Variants in DPRX observed in about 807,000 individuals in gnomAD.
The protein encoded by DPRX is divergent paired-related homeobox.
Under a neutral mutation model 8.4 loss-of-function variants are expected in DPRX, and 11 were observed. That is an observed-to-expected ratio of 1.31 (90% confidence interval 0.82 to 2.17). The LOEUF is 2.17. DPRX is among the 30% of genes most tolerant of loss of function. DPRX has a pLI of 0.00. For missense variants in DPRX, 211 were observed against 236.7 expected (o/e 0.89, Z 0.71); for synonymous variants, 72 against 87.0 (o/e 0.83, Z 0.96).
exon 3 of DPRX, chr19:53,636,785 C>G (rs150237904): frequency 6.2e-7 from 1 of 1,614,030 alleles, no homozygotes; most frequent in Non-Finnish European, 8.5e-7. Context: ...CACGGGTCAT[C>G]GAGTCCCCTC....
intron 1 of DPRX, among the ~76,000 whole-genome samples, chr19:53,633,230 G>C (rs909446507): frequency 1.3e-4 from 20 of 152,178 alleles, no homozygotes; most frequent in African/African-American, 4.8e-4. Flanking sequence ...GGAGGTTGAG[G>C]CTGAAGTGAG....
At chr19:53,628,954 C>A (rs112222022), upstream of DPRX, among the ~76,000 whole-genome samples, 1 of 151,972 alleles carries the variant, frequency 6.6e-6, no homozygotes. Context: ...CTCCTCCTCC[C>A]GGCCTGTCCA....
intron 2 of DPRX, among the ~76,000 whole-genome samples, chr19:53,635,892 TC>T (rs2080599088): frequency 6.6e-6 from 1 of 152,070 alleles, no homozygotes; most frequent in African/African-American, 2.4e-5. Flanking sequence ...CTGCGACTGA[TC>T]CCCTTGCTCT....
chr19:53,603,654 C>G, the DPRX span: 3 of 226,004 alleles, frequency 1.3e-5, no homozygotes, highest in Non-Finnish European at 2.8e-5. Flanking sequence ...GTTTCATCTA[C>G]CCGTATCCAC....
the DPRX span, chr19:53,601,287 T>C: frequency 1.3e-5 from 6 of 456,112 alleles, no homozygotes; most frequent in African/African-American, 6.0e-5. Flanking sequence ...AGACTCCACA[T>C]TGGGCCCAGG....
chr19:53,618,732 G>C, the DPRX span, among the ~76,000 whole-genome samples: 1 of 149,944 alleles, frequency 6.7e-6, no homozygotes, highest in Non-Finnish European at 1.5e-5. Flanking sequence ...ACCCAGGCTG[G>C]AGTGCAGTGG....
chr19:53,616,665 A>T, the DPRX span: 3 of 665,234 alleles, frequency 4.5e-6, no homozygotes, highest in Non-Finnish European at 7.3e-6. Context: ...GAGGCGGGAG[A>T]ATCCCTTGAA....
At chr19:53,624,487 C>G in the DPRX span, among the ~76,000 whole-genome samples, 1 of 151,818 alleles carries the variant, frequency 6.6e-6, no homozygotes, top group Non-Finnish European at 1.5e-5. Context: ...ACTGCAACCT[C>G]GGTTCACTGA....
chr19:53,615,659 A>G, the DPRX span, among the ~76,000 whole-genome samples: 2 of 151,856 alleles, frequency 1.3e-5, no homozygotes, highest in African/African-American at 4.8e-5. Flanking sequence ...ATCTTTTCCT[A>G]GTTTCTTCTG....
chr19:53,601,508 G>C, the DPRX span: 1 of 353,956 alleles, frequency 2.8e-6, no homozygotes, highest in Non-Finnish European at 5.5e-6. Flanking sequence ...TTGAGACAGA[G>C]TCTTGCTGTG....
the DPRX span, among the ~76,000 whole-genome samples, chr19:53,620,524 G>A: frequency 2.6e-5 from 4 of 151,722 alleles, no homozygotes; most frequent in East Asian, 1.9e-4. Context: ...CACTATGCCC[G>A]GCTAATTTTT....
chr19:53,617,863 G>A, the DPRX span, among the ~76,000 whole-genome samples: 4 of 152,090 alleles, frequency 2.6e-5, no homozygotes, highest in African/African-American at 9.7e-5. Flanking sequence ...ATACAAGCCA[G>A]GCGCGGTGGC....
At chr19:53,616,794 T>A in the DPRX span, 1 of 1,581,872 alleles carries the variant, frequency 6.3e-7, no homozygotes, top group Non-Finnish European at 8.6e-7. Flanking sequence ...TGGCCCTTGC[T>A]GCCACCAACA....
chr19:53,612,473 G>A, the DPRX span, among the ~76,000 whole-genome samples: 16 of 152,278 alleles, frequency 1.1e-4, no homozygotes, highest in African/African-American at 3.8e-4. Flanking sequence ...TTGGGAGGCC[G>A]AGGCAGGTGG....
the DPRX span, among the ~76,000 whole-genome samples, chr19:53,603,835 C>A: frequency 6.6e-6 from 1 of 151,644 alleles, no homozygotes; most frequent in Non-Finnish European, 1.5e-5. Flanking sequence ...CCACCCCCGC[C>A]TCCCAGGTTC....
the DPRX span, chr19:53,617,102 G>T: frequency 7.9e-7 from 1 of 1,272,320 alleles, no homozygotes; most frequent in Non-Finnish European, 1.2e-6. Flanking sequence ...GGGAGGTTTA[G>T]GTTTCATAAT....
At chr19:53,634,324 G>A (rs1166518247) in intron 1 of DPRX, among the ~76,000 whole-genome samples, 2 of 152,082 alleles carry the variant, frequency 1.3e-5, no homozygotes, top group African/African-American at 2.4e-5. Context: ...CCAGCTACTC[G>A]GGAGGCTGAG....
chr19:53,628,656 C>A (rs568371150), upstream of DPRX, among the ~76,000 whole-genome samples: 6 of 151,874 alleles, frequency 4.0e-5, no homozygotes, highest in Admixed American at 1.3e-4. Context: ...ATGACACGAT[C>A]TCCACTCACC....
chr19:53,612,164 G>A, the DPRX span, among the ~76,000 whole-genome samples: 2 of 150,998 alleles, frequency 1.3e-5, no homozygotes, highest in Admixed American at 6.6e-5. Context: ...CAGGAGAATC[G>A]CTTGAGCCCA....
Sources: gnomAD v4.1 joint callset for allele counts (sites outside exome capture counted in the v4.1 genomes callset) on GRCh38, gnomAD v4.1.1 for gene constraint, MANE v1.5 for transcripts, NCBI Gene and HGNC (gene_info 2026-07-23, HGNC 2026-07-21) for gene names.